ECT2L: variants seen among roughly 807,000 people sequenced by gnomAD.
ECT2L encodes the protein epithelial cell-transforming sequence 2 oncogene-like.
Under a neutral mutation model 122.8 loss-of-function variants are expected in ECT2L, and 126 were observed. The ratio of observed to expected loss-of-function variants is 1.03; its 90% CI spans 0.89 to 1.19. The LOEUF is 1.19. Among genes scored for constraint, ECT2L ranks in the 50% most tolerant of loss-of-function variants. The pLI is 0.00. For synonymous variants in ECT2L, 385 were observed against 381.8 expected (o/e 1.01, Z -0.10); for missense variants, 1,012 against 1,064.1 (o/e 0.95, Z 0.68).
chr6:138,844,436 C>T lies in ECT2L; in HGVS notation c.620C>T (p.Pro207Leu), dbSNP rs765613569. ...RKKELFKVRP[P>L]WVSGTCCSSV... ...GAGGAGTTATTCAAAGTTCGACCCC[C>T]TTGGGTGAGTGGAACTTGCTGCTCT... The change falls in exon 7 of 22, where the codon CCT becomes CTT. Residue 207 changes from proline (P) to leucine (L), a missense_variant. Pro to Leu is a moderately conservative substitution (Grantham distance 98). Transcript: ENST00000541398. 6.2e-7 allele frequency: 1 copy of T among 1,614,074 alleles called. No individual in the cohort carries two copies.
At chr6:138,877,069 A>G (rs941709682) in intron 14 of ECT2L, among the ~76,000 whole-genome samples, 1 of 152,188 alleles carries the variant, frequency 6.6e-6, no homozygotes, top group Non-Finnish European at 1.5e-5. Flanking sequence ...AAACACACTT[A>G]TTATCACCTT....
intron 3 of ECT2L, among the ~76,000 whole-genome samples, chr6:138,814,269 C>T (rs1775996465): frequency 6.6e-6 from 1 of 152,186 alleles, no homozygotes; most frequent in African/African-American, 2.4e-5. Context: ...CCAGTCTTTC[C>T]CATCAACCCA....
intron 18 of ECT2L, 63 bp downstream of exon 18, chr6:138,885,893 C>T: frequency 1.7e-5 from 26 of 1,500,952 alleles, no homozygotes; most frequent in Non-Finnish European, 2.2e-5. Context: ...GGTACTCCCA[C>T]TCAAAGATCC....
chr6:138,862,719 A>T lies in ECT2L; in HGVS notation c.1291A>T (p.Ile431Phe). Residue 431 changes from isoleucine (I) to phenylalanine (F), a missense_variant and splice_region_variant, in exon 11 of 22, where the codon ATT (isoleucine) becomes TTT (phenylalanine). Transcript: ENST00000541398. ...GATTGCAACTGGCTCTTACCAGCAC[A>T]GTAAGTGTTATGGGAGCTGAGCGCC... ...TGIATGSYQHILSDWLGSQWG... is the reference protein window; with the variant it reads ...TGIATGSYQHFLSDWLGSQWG... 1 of 1,613,730 alleles carries T rather than the reference A, an allele frequency of 6.2e-7. No individual in the cohort carries two copies.
chr6:138,832,184 G>GT (rs35891687), intron 4 of ECT2L, among the ~76,000 whole-genome samples: 4,761 of 144,530 alleles, frequency 0.033, 222 homozygotes, highest in African/African-American at 0.11. Context: ...TCAAATGTCT[G>GT]TTTTTTTTTT....
At chr6:138,839,566 G>A (rs993318542) in intron 5 of ECT2L, among the ~76,000 whole-genome samples, 3 of 151,998 alleles carry the variant, frequency 2.0e-5, no homozygotes, top group African/African-American at 4.8e-5. Flanking sequence ...GTTTCGCCAT[G>A]TTGGCCAGGC....
intron 4 of ECT2L, among the ~76,000 whole-genome samples, chr6:138,834,955 T>A (rs1776779321): frequency 6.6e-6 from 1 of 150,646 alleles, no homozygotes; most frequent in Non-Finnish European, 1.5e-5. Context: ...TCTCTCTCTG[T>A]CTCTTTCCTC....
intron 13 of ECT2L, among the ~76,000 whole-genome samples, chr6:138,874,023 C>G (rs558449329): frequency 6.6e-6 from 1 of 152,150 alleles, no homozygotes; most frequent in Admixed American, 6.5e-5. Context: ...TACACTGATA[C>G]CATGCAACCA....
chr6:138,896,001 A>G (rs765107588), intron 20 of ECT2L, among the ~76,000 whole-genome samples: 19 of 151,882 alleles, frequency 1.3e-4, no homozygotes, highest in Middle Eastern at 3.4e-3. Flanking sequence ...ATGGACCATT[A>G]TTTTGGGTAT....
chr6:138,879,953 A>G (rs1046636096), intron 14 of ECT2L, among the ~76,000 whole-genome samples: 34 of 135,204 alleles, frequency 2.5e-4, no homozygotes, highest in African/African-American at 8.3e-4. Context: ...ACTCCATATC[A>G]AAAGAAAAAA....
intron 13 of ECT2L, 129 bp from the exon 14 acceptor site, chr6:138,876,343 T>C (rs1238138376): frequency 8.6e-6 from 5 of 580,238 alleles, no homozygotes; most frequent in Non-Finnish European, 1.5e-5. Context: ...ACTTAACTCA[T>C]TGTGTGTAGG....
At chr6:138,888,622 T>C (rs1188835) in intron 19 of ECT2L, among the ~76,000 whole-genome samples, 53,400 of 152,050 alleles carry the variant, frequency 0.35, 11,225 homozygotes, top group Admixed American at 0.5. Context: ...CCTACTTCTT[T>C]TTCTTAATAG....
At chr6:138,825,911 C>T (rs796564845) in intron 4 of ECT2L, among the ~76,000 whole-genome samples, 19 of 152,346 alleles carry the variant, frequency 1.2e-4, no homozygotes, top group African/African-American at 4.6e-4. Flanking sequence ...ACACTCTGAA[C>T]ACCCAGTTGA....
chr6:138,857,261 A>C (rs1378635607), intron 10 of ECT2L, among the ~76,000 whole-genome samples: 1 of 152,150 alleles, frequency 6.6e-6, no homozygotes, highest in Non-Finnish European at 1.5e-5. Context: ...ACCACTTTTT[A>C]AGTTGACAAG....
chr6:138,840,836 T>C (rs1287753467), intron 5 of ECT2L, among the ~76,000 whole-genome samples: 1 of 152,158 alleles, frequency 6.6e-6, no homozygotes, highest in African/African-American at 2.4e-5. Context: ...AGATGTTATT[T>C]CTTCATATTG....
chr6:138,842,356 G>C (rs1777067733), intron 5 of ECT2L, among the ~76,000 whole-genome samples: 1 of 152,174 alleles, frequency 6.6e-6, no homozygotes, highest in Non-Finnish European at 1.5e-5. Flanking sequence ...AGCTACTCAG[G>C]AGGCTGAGGC....
intron 1 of ECT2L, among the ~76,000 whole-genome samples, chr6:138,809,376 G>A (rs946603723): frequency 2.6e-5 from 4 of 152,174 alleles, no homozygotes; most frequent in Admixed American, 6.5e-5. Flanking sequence ...TGAGGTGGGA[G>A]GCTTGCATGA....
At chr6:138,798,103 G>C (rs1775405288) in intron 1 of ECT2L, among the ~76,000 whole-genome samples, 1 of 152,138 alleles carries the variant, frequency 6.6e-6, no homozygotes, top group Non-Finnish European at 1.5e-5. Context: ...TGTGGGCAAG[G>C]GTGTGGAACT....
intron 4 of ECT2L, among the ~76,000 whole-genome samples, chr6:138,832,445 C>T (rs1776678391): frequency 6.6e-6 from 1 of 152,160 alleles, no homozygotes; most frequent in Admixed American, 6.5e-5. Flanking sequence ...ATCTTCCTCT[C>T]CAGGAACCCC....
Sources: gnomAD v4.1 joint callset for allele counts (sites outside exome capture counted in the v4.1 genomes callset) on GRCh38, gnomAD v4.1.1 for gene constraint, MANE v1.5 for transcripts, NCBI Gene and HGNC (gene_info 2026-07-23, HGNC 2026-07-21) for gene names.